The following ACCSL variants were observed in gnomAD, a reference collection of about 807,000 sequenced individuals.
ACCSL encodes the protein 1-aminocyclopropane-1-carboxylate synthase homolog (inactive) like.
Under a neutral mutation model 61.7 loss-of-function variants are expected in ACCSL, and 55 were observed. The ratio of observed to expected loss-of-function variants is 0.89; its 90% CI spans 0.72 to 1.12. The LOEUF is 1.12. ACCSL is among the 50% of genes most tolerant of loss of function. The pLI, the probability that ACCSL is intolerant of heterozygous loss-of-function variation, is 0.00. For missense variants in ACCSL, 632 were observed against 698.0 expected (o/e 0.91, Z 1.07); for synonymous variants, 258 against 264.3 (o/e 0.98, Z 0.23).
chr11:44,059,147 CAGG>C (rs2134779224), intron 13 of ACCSL, among the ~76,000 whole-genome samples: 1 of 152,306 alleles, frequency 6.6e-6, no homozygotes, highest in South Asian at 2.1e-4. Context: ...GGGGCTGAGG[CAGG>C]AGAATTGCTT....
At chr11:44,054,063 C>G (rs1952656091) in intron 8 of ACCSL, among the ~76,000 whole-genome samples, 1 of 152,222 alleles carries the variant, frequency 6.6e-6, no homozygotes, top group Admixed American at 6.5e-5. Context: ...AAATATGTCA[C>G]TTAAAAATAT....
chr11:43,980,863 A>G, the ACCSL span, among the ~76,000 whole-genome samples: 1 of 152,076 alleles, frequency 6.6e-6, no homozygotes, highest in Non-Finnish European at 1.5e-5. Flanking sequence ...TATCATCATC[A>G]TCATCATTTA....
At chr11:44,059,104 T>C (rs1952690730) in intron 13 of ACCSL, among the ~76,000 whole-genome samples, 1 of 152,150 alleles carries the variant, frequency 6.6e-6, no homozygotes, top group Non-Finnish European at 1.5e-5. Flanking sequence ...TAGCCACGCA[T>C]GGTGGCGCAC....
chr11:44,024,441 C>CTGTGTG, the ACCSL span, among the ~76,000 whole-genome samples: 147 of 132,088 alleles, frequency 1.1e-3, 1 homozygote, highest in South Asian at 9.9e-3. Context: ...CTCTCTCTCT[C>CTGTGTG]TGTGTGTGTG....
At chr11:43,986,168 C>T in the ACCSL span, among the ~76,000 whole-genome samples, 1 of 151,936 alleles carries the variant, frequency 6.6e-6, no homozygotes, top group Non-Finnish European at 1.5e-5. Context: ...CCATCATTTC[C>T]ACCACCTAAA....
the ACCSL span, chr11:43,942,564 C>T: frequency 1.2e-4 from 34 of 292,980 alleles, no homozygotes; most frequent in South Asian, 8.4e-4. Flanking sequence ...AAATGGCATT[C>T]GCTGTCATCC....
chr11:43,943,408 C>T, the ACCSL span: 1 of 1,435,486 alleles, frequency 7.0e-7, no homozygotes, highest in South Asian at 1.3e-5. This position sits in a 1 kb window ranked among gnomAD's most constrained non-coding sequence, Gnocchi z 4.8. Context: ...CGCGCTCGGA[C>T]TCCCGCCCCG....
chr11:43,943,917 G>A, the ACCSL span: 1 of 1,170,750 alleles, frequency 8.5e-7, no homozygotes, highest in Non-Finnish European at 1.1e-6. This position sits in a 1 kb window ranked among gnomAD's most constrained non-coding sequence, Gnocchi z 4.8. Context: ...GCACCTTCGG[G>A]GTCCAGGCTC....
chr11:44,028,594 C>A, the ACCSL span, among the ~76,000 whole-genome samples: 2 of 152,152 alleles, frequency 1.3e-5, no homozygotes, highest in Admixed American at 6.5e-5. Flanking sequence ...GTCATCCCTG[C>A]GTCACCTTCA....
the ACCSL span, among the ~76,000 whole-genome samples, chr11:43,947,395 A>G: frequency 2.6e-5 from 4 of 152,324 alleles, no homozygotes; most frequent in South Asian, 2.1e-4. Flanking sequence ...CCAGGCCCCT[A>G]TGCAACGGCG....
chr11:44,023,198 C>A, the ACCSL span, among the ~76,000 whole-genome samples: 1 of 151,876 alleles, frequency 6.6e-6, no homozygotes, highest in Non-Finnish European at 1.5e-5. Flanking sequence ...ACTACAGGTG[C>A]ACACCACCAT....
chr11:44,050,467 C>A, intron 2 of ACCSL, 85 bp from the exon 3 acceptor site: 3 of 1,213,138 alleles, frequency 2.5e-6, no homozygotes, highest in Non-Finnish European at 3.6e-6. Flanking sequence ...ATGTGGAGGG[C>A]AAACACTCAT....
At chr11:43,923,061 C>T in the ACCSL span, among the ~76,000 whole-genome samples, 1 of 152,188 alleles carries the variant, frequency 6.6e-6, no homozygotes, top group Non-Finnish European at 1.5e-5. Flanking sequence ...TTGTGGCACC[C>T]ACTCTCTGCC....
chr11:43,957,843 C>T, the ACCSL span, among the ~76,000 whole-genome samples: 3 of 152,174 alleles, frequency 2.0e-5, no homozygotes, highest in Non-Finnish European at 4.4e-5. Flanking sequence ...TGACCGCCCC[C>T]CCAACAACTT....
At chr11:44,027,196 A>G in the ACCSL span, among the ~76,000 whole-genome samples, 1 of 152,202 alleles carries the variant, frequency 6.6e-6, no homozygotes, top group East Asian at 1.9e-4. Flanking sequence ...CATGTCTTTA[A>G]TGCTCTGGCA....
At chr11:43,999,087 T>A in the ACCSL span, among the ~76,000 whole-genome samples, 1 of 152,186 alleles carries the variant, frequency 6.6e-6, no homozygotes, top group Non-Finnish European at 1.5e-5. Flanking sequence ...TTCCTCGTCT[T>A]TCCAATGAGG....
At position 44,050,545 on chromosome 11, in the gene ACCSL, T is replaced by C. The variant is rs1952630199; in HGVS notation, c.565-7T>C. On this transcript the variant is annotated splice_polypyrimidine_tract_variant and splice_region_variant and intron_variant, in intron 2 of 13. Transcript: ENST00000378832. Reference sequence around the variant, plus strand: ...CCTACCTGTCTTCATGTTCTATTTGTCAACAGTTGCAAGAAAGTGACATGA... The same window carrying C: ...CCTACCTGTCTTCATGTTCTATTTGCCAACAGTTGCAAGAAAGTGACATGA... The C allele has an allele frequency of 6.2e-7, 1 of 1,613,746 alleles. No homozygotes were observed. Among genetic ancestry groups the C allele is most frequent in the Admixed American group, 1.7e-5 (1 of 59,962 alleles).
the ACCSL span, among the ~76,000 whole-genome samples, chr11:44,001,475 T>C: frequency 6.6e-6 from 1 of 152,006 alleles, no homozygotes; most frequent in African/African-American, 2.4e-5. Flanking sequence ...TTATTGAAAT[T>C]GGGAAACGTT....
At chr11:43,987,638 C>G in the ACCSL span, among the ~76,000 whole-genome samples, 1 of 152,086 alleles carries the variant, frequency 6.6e-6, no homozygotes, top group African/African-American at 2.4e-5. Flanking sequence ...CACTCCCTGG[C>G]TGGCTCTGCC....
Sources: allele counts gnomAD v4.1 joint callset (sites outside exome capture counted in the v4.1 genomes callset), GRCh38; gene constraint gnomAD v4.1.1; non-coding constraint Gnocchi (gnomAD v3.1); transcripts MANE v1.5; gene names NCBI Gene and HGNC (gene_info 2026-07-23, HGNC 2026-07-21).